The following BRD10 variants were observed in gnomAD, a reference collection of about 807,000 sequenced individuals.
BRD10 encodes the protein bromodomain containing 10, also known as uncharacterized bromodomain-containing protein 10.
chr9:5,885,861 G>A, the BRD10 span, among the ~76,000 whole-genome samples: 10 of 152,302 alleles, frequency 6.6e-5, no homozygotes, highest in South Asian at 8.3e-4. Context: ...CTGGGATGTG[G>A]CCTTGCCTTC....
chr9:5,954,211 A>T, the BRD10 span: 11 of 628,210 alleles, frequency 1.8e-5, no homozygotes, highest in Non-Finnish European at 2.8e-5. Context: ...GCTGCTAGTG[A>T]GTCAAATAAA....
the BRD10 span, among the ~76,000 whole-genome samples, chr9:5,989,041 A>G: frequency 6.6e-6 from 1 of 151,924 alleles, no homozygotes; most frequent in African/African-American, 2.4e-5. Flanking sequence ...GACCAGCCTG[A>G]CCAACACGGA....
the BRD10 span, among the ~76,000 whole-genome samples, chr9:5,902,680 T>G: frequency 6.6e-6 from 1 of 151,884 alleles, no homozygotes; most frequent in Non-Finnish European, 1.5e-5. Context: ...TTTTTTTTTT[T>G]TTAATTTGTA....
chr9:5,931,034 A>G, the BRD10 span, among the ~76,000 whole-genome samples: 1 of 152,344 alleles, frequency 6.6e-6, no homozygotes, highest in South Asian at 2.1e-4. Flanking sequence ...GAGAAGAAAG[A>G]GGAAAGATAT....
At chr9:5,918,624 G>GT in the BRD10 span, among the ~76,000 whole-genome samples, 4 of 144,006 alleles carry the variant, frequency 2.8e-5, 1 homozygote, top group Admixed American at 2.8e-4. Context: ...AGTAATTGTG[G>GT]TTTTTTGCCG....
chr9:6,007,472 C>T, the BRD10 span: 1 of 1,610,904 alleles, frequency 6.2e-7, no homozygotes, highest in South Asian at 1.1e-5. Context: ...GCAACGCCCC[C>T]CAAGGGCTGC....
At chr9:5,939,179 T>C in the BRD10 span, among the ~76,000 whole-genome samples, 1 of 152,152 alleles carries the variant, frequency 6.6e-6, no homozygotes, top group East Asian at 1.9e-4. Flanking sequence ...ATTCATATAG[T>C]GAAAGCCGTT....
At chr9:5,909,767 C>T in the BRD10 span, 1 of 152,170 alleles carries the variant, frequency 6.6e-6, no homozygotes, top group South Asian at 2.1e-4. Context: ...CTCTTGGGTT[C>T]CCAAATCCCT....
the BRD10 span, chr9:6,007,809 G>A: frequency 3.4e-6 from 5 of 1,473,366 alleles, no homozygotes; most frequent in Non-Finnish European, 4.5e-6. Context: ...CCTAGGCTGG[G>A]CGGTGTGGAA....
the BRD10 span, among the ~76,000 whole-genome samples, chr9:5,912,032 C>G: frequency 6.6e-6 from 1 of 152,118 alleles, no homozygotes; most frequent in Non-Finnish European, 1.5e-5. Context: ...CATTGAATAT[C>G]TTTCTGTTTT....
At chr9:6,000,971 T>G in the BRD10 span, among the ~76,000 whole-genome samples, 1 of 152,188 alleles carries the variant, frequency 6.6e-6, no homozygotes, top group South Asian at 2.1e-4. Flanking sequence ...CTCTAGCCCT[T>G]GTCACTATGC....
chr9:6,000,643 C>G, the BRD10 span, among the ~76,000 whole-genome samples: 1 of 149,840 alleles, frequency 6.7e-6, no homozygotes, highest in African/African-American at 2.4e-5. Flanking sequence ...TTAATATTTT[C>G]AAATGGAAGA....
chr9:6,008,015 C>T, the BRD10 span: 6 of 1,225,448 alleles, frequency 4.9e-6, no homozygotes, highest in Admixed American at 8.8e-5. Flanking sequence ...AAGAGGAGAG[C>T]CTAGGTGCCC....
chr9:6,001,230 A>C, the BRD10 span, among the ~76,000 whole-genome samples: 1 of 152,178 alleles, frequency 6.6e-6, no homozygotes, highest in African/African-American at 2.4e-5. Context: ...AATTAACTCA[A>C]TAATCTTTTA....
the BRD10 span, among the ~76,000 whole-genome samples, chr9:5,914,419 T>TG: frequency 9.0e-6 from 1 of 111,092 alleles, no homozygotes; most frequent in Non-Finnish European, 1.8e-5. Flanking sequence ...GGTTTTTTTT[T>TG]TTTTTTTTTT....
chr9:5,920,819 G>C, the BRD10 span: 5 of 1,613,966 alleles, frequency 3.1e-6, no homozygotes, highest in Non-Finnish European at 2.5e-6. Flanking sequence ...TGGTTGTGTA[G>C]TTGAAATCAG....
At chr9:5,949,219 AAC>A in the BRD10 span, among the ~76,000 whole-genome samples, 1 of 152,206 alleles carries the variant, frequency 6.6e-6, no homozygotes, top group Non-Finnish European at 1.5e-5. Flanking sequence ...TGATTAAACT[AAC>A]AGAGGTAAAA....
the BRD10 span, among the ~76,000 whole-genome samples, chr9:6,005,518 A>C: frequency 6.6e-6 from 1 of 152,304 alleles, no homozygotes; most frequent in African/African-American, 2.4e-5. Context: ...AAAATAAATA[A>C]ATAAATGTTT....
chr9:5,897,701 T>C, the BRD10 span: 1 of 1,426,266 alleles, frequency 7.0e-7, no homozygotes, highest in Admixed American at 1.7e-5. Flanking sequence ...CAGGGCCCTC[T>C]TTCCAGTTCT....
Sources: allele counts gnomAD v4.1 joint callset (sites outside exome capture counted in the v4.1 genomes callset), GRCh38; gene constraint gnomAD v4.1.1; transcripts MANE v1.5; gene names NCBI Gene and HGNC (gene_info 2026-07-23, HGNC 2026-07-21).